TRIM67: variants seen among roughly 807,000 people sequenced by gnomAD.
TRIM67 encodes the protein tripartite motif-containing protein 67.
In TRIM67, 39 loss-of-function variants were observed where a neutral mutation model predicts 71.0. The observed-to-expected ratio is 0.55, with a 90% CI of 0.43 to 0.72. The LOEUF (loss-of-function observed/expected upper bound fraction) is 0.72, where lower values mean the gene tolerates loss of function less well. Ranked by LOEUF, TRIM67 falls within the 30% of genes least tolerant of loss-of-function variation. TRIM67 has a pLI of 0.00. For missense variants in TRIM67, 973 were observed against 1,079.2 expected, an observed-to-expected ratio of 0.90 and a Z score of 1.38; for synonymous variants, 481 against 473.9, an observed-to-expected ratio of 1.01 and a Z score of -0.19.
intron 1 of TRIM67, chr1:231,185,310 A>G: frequency 1.6e-6 from 2 of 1,220,344 alleles, no homozygotes; most frequent in Non-Finnish European, 2.3e-6. Context: ...GGGATCTGAG[A>G]AAAGAAAAGG....
Position 231,219,518 on chromosome 1 carries a change from A to C in TRIM67, c.*4078A>C. The C allele has an allele frequency of 2.8e-6, 3 of 1,071,968 alleles. No individual in the cohort carries two copies. The highest frequency in any genetic ancestry group is 2.3e-6 in the Non-Finnish European group (2 of 882,290). The allele number at this position is 1,071,968 out of a possible 1,614,324, so 66.4% of individuals were successfully genotyped here. ...TGTGTCTTCAGGGGGCAGGTAGGGGAAAATGGGGTGAGCCACCTCCAACAG... is the reference window on the plus strand; with the variant it reads ...TGTGTCTTCAGGGGGCAGGTAGGGGCAAATGGGGTGAGCCACCTCCAACAG... On this transcript the variant is annotated 3_prime_UTR_variant, in exon 10 of 10. Transcript: ENST00000366653.
rs1682318018 is a variant in TRIM67 at position 231,162,596 on chromosome 1, G to A, written c.-374G>A. 1 of 240,918 alleles carries A rather than the reference G, an allele frequency of 4.2e-6. No individual in the cohort carries two copies. The highest frequency in any genetic ancestry group is 6.6e-5 in the South Asian group (1 of 15,052). The allele number at this position is 240,918 out of a possible 1,614,324, so 14.9% of individuals were successfully genotyped here. On this transcript the variant is annotated 5_prime_UTR_variant, in exon 1 of 10. Transcript: ENST00000366653. ...CGAGCGCACAGCAGCCCGGCCGCTG[G>A]TCCTGGGGTGGAGAGGAGGCGCGCG... is the stretch of plus-strand genomic sequence containing the variant.
In TRIM67 at chr1:231,217,897, G is replaced by C. The variant is rs1312691290; in HGVS notation, c.*2457G>C. Reference sequence around the variant, plus strand: ...CTCTTTCAGAAAAAAGTTCCCTGAAGTCCAGAGAGGTGCAGCCAGGACTCC... The same window carrying C: ...CTCTTTCAGAAAAAAGTTCCCTGAACTCCAGAGAGGTGCAGCCAGGACTCC... On this transcript the variant is annotated 3_prime_UTR_variant, in exon 10 of 10. Transcript: ENST00000366653. The C allele has an allele frequency of 7.8e-7, 1 of 1,288,820 alleles. No individual in the cohort carries two copies. Among genetic ancestry groups the C allele is most frequent in the South Asian group, 1.2e-5 (1 of 80,916 alleles). 79.8% of individuals were successfully genotyped at this position (1,288,820 alleles called of 1,614,324 possible). A position where few individuals can be genotyped will look rare whatever the true frequency, so the allele number is the denominator to read the frequency against.
chr1:231,176,906 C>CAA lies in TRIM67; in HGVS notation c.1044+12909_1044+12910dup, dbSNP rs56115614. On this transcript the variant is annotated intron_variant, in intron 1 of 9. Transcript: ENST00000366653. Reference sequence around the variant, plus strand: ...TACCCTGTTTGCCAATACAATCTGGCAAAAAAAAAAAAAAAAACACCTTTC... The same window carrying CAA: ...TACCCTGTTTGCCAATACAATCTGGCAAAAAAAAAAAAAAAAAAACACCTTTC... Among the ~76,000 whole-genome samples, 61 of 74,392 alleles carry CAA rather than the reference C, an allele frequency of 8.2e-4. 2 individuals carry two copies. The highest frequency in any genetic ancestry group is 3.3e-3 in the South Asian group (6 of 1,832). The allele number at this position is 74,392 out of a possible 152,430, so 48.8% of individuals were successfully genotyped here.
At chr1:231,202,278 AGGAGGTGGAGG>A (rs1444975631) in intron 5 of TRIM67, among the ~76,000 whole-genome samples, 2 of 4,738 alleles carry the variant, frequency 4.2e-4, no homozygotes, top group African/African-American at 6.3e-4. Flanking sequence ...GCGGAGGAGG[AGGAGGTGGAGG>A]CAGTAGTGGT....
intron 1 of TRIM67, among the ~76,000 whole-genome samples, chr1:231,178,308 C>T (rs750157018): frequency 7.9e-5 from 12 of 152,174 alleles, no homozygotes; most frequent in East Asian, 3.8e-4. Context: ...CAGGAGAATA[C>T]GGGGAATAAG....
intron 1 of TRIM67, chr1:231,185,017 G>T: frequency 1.3e-6 from 2 of 1,532,968 alleles, no homozygotes; most frequent in Non-Finnish European, 1.7e-6. Context: ...GGGAGGGTCA[G>T]CTTATTCTGC....
intron 1 of TRIM67, among the ~76,000 whole-genome samples, chr1:231,167,319 C>CTTTTTTTTTTTTTGTTTTTTTTT (rs1682497377): frequency 1.9e-5 from 1 of 51,832 alleles, no homozygotes; most frequent in Non-Finnish European, 3.7e-5. Flanking sequence ...ACTCTAATGT[C>CTTTTTTTTTTTTTGTTTTTTTTT]TTTTTTTTTT....
In TRIM67 at chr1:231,221,470, GTTGAACTTTCTGTA is replaced by G. The variant is rs1684136538; in HGVS notation, c.*6033_*6046del. ...TGTGTTTTCTGGTCTTTGGGGGTTA[GTTGAACTTTCTGTA>G]TTACCTTTTGGAAAACCTGAGTTTT... On this transcript the variant is annotated 3_prime_UTR_variant, in exon 10 of 10. Coordinates refer to ENST00000366653, the MANE Select transcript of TRIM67 (RefSeq NM_001004342.5). The G allele has an allele frequency of 6.6e-6, 1 of 152,636 alleles. No homozygotes were observed. The highest frequency in any genetic ancestry group is 2.4e-5 in the African/African-American group (1 of 41,452). The allele number at this position is 152,636 out of a possible 1,614,324, so 9.5% of individuals were successfully genotyped here.
chr1:231,170,131 C>A (rs1246697300), intron 1 of TRIM67, among the ~76,000 whole-genome samples: 1 of 152,020 alleles, frequency 6.6e-6, no homozygotes, highest in Non-Finnish European at 1.5e-5. Context: ...GGATTACAGG[C>A]ATGTACCACC....
intron 1 of TRIM67, among the ~76,000 whole-genome samples, chr1:231,168,405 C>T (rs1250822968): frequency 6.6e-6 from 1 of 152,220 alleles, no homozygotes; most frequent in Non-Finnish European, 1.5e-5. Context: ...CTTGTTAAGT[C>T]TATGCCTACA....
In TRIM67 at chr1:231,209,218, C is replaced by A; in HGVS notation, c.2091C>A (p.Ser697Arg). Residue 697 changes from serine to arginine, a missense_variant, in exon 8 of 10, where the codon AGC becomes AGA. Physicochemically the swap from Ser to Arg is moderately radical, Grantham distance 110. Coordinates refer to ENST00000366653, the MANE Select transcript of TRIM67 (RefSeq NM_001004342.5). This position sits in a 1 kb window ranked among gnomAD's most constrained non-coding sequence, Gnocchi z 4.1. The stretch of plus-strand genomic sequence containing the variant: ...CCATGTATGTGGACAACAACCGCAG[C>A]TGGTTCATGCACTGCAACTCCCACA... ...AWAMYVDNNR[S>R]WFMHCNSHTN... 6.3e-7 allele frequency: 1 copy of A among 1,579,464 alleles called. No individual in the cohort carries two copies. Among genetic ancestry groups the A allele is most frequent in the South Asian group, 1.2e-5 (1 of 86,474 alleles).
chr1:231,164,826 TAA>T lies in TRIM67; in HGVS notation c.1044+814_1044+815del, dbSNP rs1483777613. Among the ~76,000 whole-genome samples the T allele has an allele frequency of 2.0e-5, 3 of 152,218 alleles. No individual in the cohort carries two copies. In the East Asian group the frequency reaches 5.8e-4, roughly 29 times the overall value. ...GTGAGCACAGATGAGAGGAAGAGAC[TAA>T]GAGACTAACCATTCCTATATAGATT... On this transcript the variant is annotated intron_variant, in intron 1 of 9. Coordinates refer to ENST00000366653, the MANE Select transcript of TRIM67 (RefSeq NM_001004342.5).
At chr1:231,210,005 C>G (rs1169676520) in intron 8 of TRIM67, among the ~76,000 whole-genome samples, 3 of 152,118 alleles carry the variant, frequency 2.0e-5, no homozygotes, top group Admixed American at 1.3e-4. Context: ...AGTGCCCCCC[C>G]AACACCCCTG....
rs980847366 is a variant in TRIM67 at position 231,219,561 on chromosome 1, C to G, written c.*4121C>G. 6.8e-5 allele frequency: 75 copies of G among 1,100,232 alleles called. No individual in the cohort carries two copies. Among genetic ancestry groups the G allele is most frequent in the Non-Finnish European group, 8.4e-5 (75 of 898,130 alleles). 68.2% of individuals were successfully genotyped at this position (1,100,232 alleles called of 1,614,324 possible). On this transcript the variant is annotated 3_prime_UTR_variant, in exon 10 of 10. Transcript: ENST00000366653. Reference sequence around the variant, plus strand: ...TCCAACAGATGCCAACCTGTTGGGTCTTGAATTTTCACTCACTGAAGATGC... The same window carrying G: ...TCCAACAGATGCCAACCTGTTGGGTGTTGAATTTTCACTCACTGAAGATGC...
Position 231,163,735 on chromosome 1 carries a change from C to T in TRIM67, c.766C>T (p.Pro256Ser), listed in dbSNP as rs1393492918. 8.7e-6 allele frequency: 13 copies of T among 1,492,524 alleles called. No individual in the cohort carries two copies. In the Admixed American group the frequency reaches 2.5e-4, roughly 29 times the overall value. 92.5% of individuals were successfully genotyped at this position (1,492,524 alleles called of 1,614,324 possible). A position where few individuals can be genotyped will look rare whatever the true frequency, so the allele number is the denominator to read the frequency against. The change falls in exon 1 of 10, where the codon CCG (proline) becomes TCG (serine). Residue 256 changes from proline (P) to serine (S), a missense_variant. By Grantham distance (74) the Pro-to-Ser change is moderately conservative. Coordinates refer to ENST00000366653, the MANE Select transcript of TRIM67 (RefSeq NM_001004342.5). Reference sequence around the variant, plus strand: ...GCATCGCCTGGTGCAGCCGCCGCCGCCGCCGCCGCCGCCCGCCGAGGCAGC... The same window carrying T: ...GCATCGCCTGGTGCAGCCGCCGCCGTCGCCGCCGCCGCCCGCCGAGGCAGC... ...AKHRLVQPPP[P>S]PPPPAEAASG... is the part of the protein sequence containing the mutation.
intron 6 of TRIM67, among the ~76,000 whole-genome samples, chr1:231,205,668 G>A (rs931494320): frequency 4.7e-5 from 7 of 149,894 alleles, no homozygotes; most frequent in Admixed American, 3.3e-4. Flanking sequence ...AAAGATTGTA[G>A]TAAGTCAAGA....
At chr1:231,175,919 C>T (rs1682735358) in intron 1 of TRIM67, among the ~76,000 whole-genome samples, 1 of 152,196 alleles carries the variant, frequency 6.6e-6, no homozygotes, top group African/African-American at 2.4e-5. Flanking sequence ...TTGGGGGCCA[C>T]AGGTCTCAGG....
Position 231,206,746 on chromosome 1 carries a change from G to C in TRIM67, c.1775G>C (p.Gly592Ala), listed in dbSNP as rs764219265. ...CGAGTCAAAGCTTTCAACTCTTCTGGTGTCGGGCCTTACAGTAAAACTGTC... is the reference window on the plus strand; with the variant it reads ...CGAGTCAAAGCTTTCAACTCTTCTGCTGTCGGGCCTTACAGTAAAACTGTC... Reference protein sequence around the residue: ...NARVKAFNSSGVGPYSKTVVL... With the variant: ...NARVKAFNSSAVGPYSKTVVL... The change falls in exon 7 of 10, where the codon GGT (glycine) becomes GCT (alanine). Residue 592 changes from glycine to alanine, a missense_variant. Physicochemically the swap from Gly to Ala is moderately conservative, Grantham distance 60. Coordinates refer to ENST00000366653, the MANE Select transcript of TRIM67 (RefSeq NM_001004342.5). The C allele has an allele frequency of 1.6e-5, 25 of 1,611,174 alleles. No individual in the cohort carries two copies. Among genetic ancestry groups the C allele is most frequent in the Non-Finnish European group, 2.1e-5 (25 of 1,178,752 alleles).
Sources: allele counts gnomAD v4.1 joint callset (sites outside exome capture counted in the v4.1 genomes callset), GRCh38; gene constraint gnomAD v4.1.1; non-coding constraint Gnocchi (gnomAD v3.1); transcripts MANE v1.5; gene names NCBI Gene and HGNC (gene_info 2026-07-23, HGNC 2026-07-21).